PPP2R2B: variants seen among roughly 807,000 people sequenced by gnomAD.
The protein encoded by PPP2R2B is serine/threonine-protein phosphatase 2A 55 kDa regulatory subunit B beta isoform.
A neutral mutation model predicts 46.0 loss-of-function variants in PPP2R2B; 5 were observed. The observed-to-expected ratio is 0.11, with a 90% CI of 0.06 to 0.23. The LOEUF is 0.23. PPP2R2B is among the 10% of genes least tolerant of loss of function. The probability of loss-of-function intolerance (pLI) is 1.00; values close to 1 mark genes in which losing one functional copy is unlikely to be tolerated. For missense variants in PPP2R2B, 367 were observed against 575.0 expected (o/e 0.64, Z 3.70); for synonymous variants, 215 against 206.7 (o/e 1.04, Z -0.34).
chr5:146,822,709 T>C (rs1441743510), intron 2 of PPP2R2B, among the ~76,000 whole-genome samples: 1 of 152,120 alleles, frequency 6.6e-6, no homozygotes, highest in Admixed American at 6.5e-5. Flanking sequence ...AGATTATTAT[T>C]AGAAAAGAGA....
chr5:146,841,507 AT>A (rs1323545864), intron 2 of PPP2R2B, among the ~76,000 whole-genome samples: 2 of 152,178 alleles, frequency 1.3e-5, no homozygotes, highest in Non-Finnish European at 2.9e-5. Context: ...GCAAGACGTA[AT>A]CACAACCCAG....
chr5:147,042,919 T>A (rs1756379608), intron 1 of PPP2R2B, among the ~76,000 whole-genome samples: 1 of 152,018 alleles, frequency 6.6e-6, no homozygotes, highest in Admixed American at 6.6e-5. Context: ...GGAGAGGGGA[T>A]GTACGTGGTC....
At chr5:146,601,657 G>T (rs1415938667) in intron 7 of PPP2R2B, among the ~76,000 whole-genome samples, 3 of 152,216 alleles carry the variant, frequency 2.0e-5, no homozygotes, top group Non-Finnish European at 4.4e-5. Context: ...TGTGCCTTAG[G>T]TTTCCTTATA....
intron 2 of PPP2R2B, among the ~76,000 whole-genome samples, chr5:146,704,089 A>C (rs1234877106): frequency 1.3e-5 from 2 of 152,208 alleles, no homozygotes; most frequent in African/African-American, 4.8e-5. Context: ...TATCATTGCT[A>C]AGCCAGTAGG....
At chr5:146,632,933 C>T (rs762813339) in intron 7 of PPP2R2B, among the ~76,000 whole-genome samples, 5 of 152,052 alleles carry the variant, frequency 3.3e-5, no homozygotes, top group East Asian at 3.9e-4. Flanking sequence ...TTACGGGGCA[C>T]GTTGGAAAGG....
chr5:146,838,859 G>A (rs1046639542), intron 2 of PPP2R2B, among the ~76,000 whole-genome samples: 1 of 152,184 alleles, frequency 6.6e-6, no homozygotes, highest in African/African-American at 2.4e-5. Context: ...GCCTTCCCAA[G>A]GCAAAGGGTA....
chr5:146,833,247 T>A (rs568210645), intron 2 of PPP2R2B, among the ~76,000 whole-genome samples: 10 of 152,132 alleles, frequency 6.6e-5, no homozygotes, highest in Non-Finnish European at 1.5e-4. Flanking sequence ...TGTGTGAGGC[T>A]CTAAGTGAAC....
chr5:146,813,157 A>C (rs1582168405), intron 2 of PPP2R2B, among the ~76,000 whole-genome samples: 1 of 151,834 alleles, frequency 6.6e-6, no homozygotes, highest in East Asian at 1.9e-4. Context: ...ATATATGTAT[A>C]TATGCTATAT....
chr5:146,872,595 G>A (rs1235109053), intron 2 of PPP2R2B, among the ~76,000 whole-genome samples: 1 of 152,044 alleles, frequency 6.6e-6, no homozygotes, highest in Non-Finnish European at 1.5e-5. Context: ...GGGGGATGGA[G>A]GAGGAATCTT....
intron 1 of PPP2R2B, among the ~76,000 whole-genome samples, chr5:146,967,800 T>A (rs937725658): frequency 1.3e-5 from 2 of 152,106 alleles, no homozygotes; most frequent in African/African-American, 4.8e-5. Flanking sequence ...ACTCTTCAAT[T>A]AGTTTCCATC....
intron 2 of PPP2R2B, among the ~76,000 whole-genome samples, chr5:146,758,409 G>A (rs1753964662): frequency 6.6e-6 from 1 of 152,084 alleles, no homozygotes; most frequent in Admixed American, 6.6e-5. Flanking sequence ...TCAAAGGCTT[G>A]TTATGAGGAT....
intron 2 of PPP2R2B, among the ~76,000 whole-genome samples, chr5:146,778,172 G>A (rs1267732687): frequency 6.6e-6 from 1 of 152,268 alleles, no homozygotes; most frequent in East Asian, 1.9e-4. Flanking sequence ...TACTGTTTTT[G>A]TCTGGTGATG....
chr5:146,728,593 C>T (rs747317666), intron 2 of PPP2R2B, among the ~76,000 whole-genome samples: 183 of 152,198 alleles, frequency 1.2e-3, no homozygotes, highest in Non-Finnish European at 2.0e-3. Context: ...TTGGCTGTGT[C>T]CCCACTGAAA....
intron 2 of PPP2R2B, among the ~76,000 whole-genome samples, chr5:146,814,139 T>G (rs1757790165): frequency 6.8e-6 from 1 of 147,228 alleles, no homozygotes; most frequent in Non-Finnish European, 1.5e-5. Flanking sequence ...AGCATCAGAA[T>G]GGGGGTAAAA....
chr5:146,588,265 G>GCAT lies in PPP2R2B; in HGVS notation c.*1679_*1681dup, dbSNP rs1770269807. 6.6e-6 allele frequency: 1 copy of GCAT among 152,186 alleles called. No individual in the cohort carries two copies. Among genetic ancestry groups the GCAT allele is most frequent in the Non-Finnish European group, 1.5e-5 (1 of 68,040 alleles). 9.4% of individuals were successfully genotyped at this position (152,186 alleles called of 1,614,324 possible). A position where few individuals can be genotyped will look rare whatever the true frequency, so the allele number is the denominator to read the frequency against. On this transcript the variant is annotated 3_prime_UTR_variant, in exon 10 of 10. Coordinates refer to ENST00000394411, the MANE Select transcript of PPP2R2B (RefSeq NM_181675.4). ...ATTTTAATGTTCCTGAAATTGGGCTGCATCTAACAAGACTGTTTTTACCTA... is the reference window on the plus strand; with the variant it reads ...ATTTTAATGTTCCTGAAATTGGGCTGCATCATCTAACAAGACTGTTTTTACCTA...
intron 1 of PPP2R2B, among the ~76,000 whole-genome samples, chr5:146,917,654 T>C (rs1226789448): frequency 2.0e-5 from 3 of 152,222 alleles, no homozygotes; most frequent in Non-Finnish European, 4.4e-5. Context: ...TAAATAAATA[T>C]GTATCTTCTG....
intron 1 of PPP2R2B, among the ~76,000 whole-genome samples, chr5:146,982,415 A>T (rs1753219376): frequency 6.6e-6 from 1 of 152,178 alleles, no homozygotes; most frequent in Admixed American, 6.5e-5. Flanking sequence ...CACCCTCCAT[A>T]TGATTTTAAT....
intron 2 of PPP2R2B, among the ~76,000 whole-genome samples, chr5:146,738,136 A>C (rs543753333): frequency 6.6e-6 from 1 of 151,848 alleles, no homozygotes; most frequent in Non-Finnish European, 1.5e-5. Context: ...GTGGCTCACA[A>C]CTGTAATCCC....
At chr5:146,902,307 TCACCCACA>T (rs1356152413) in intron 1 of PPP2R2B, among the ~76,000 whole-genome samples, 3 of 152,094 alleles carry the variant, frequency 2.0e-5, no homozygotes, top group Admixed American at 6.6e-5. Flanking sequence ...TTTTATTTCC[TCACCCACA>T]CACCCACACA....
Sources: allele counts gnomAD v4.1 joint callset (sites outside exome capture counted in the v4.1 genomes callset), GRCh38; gene constraint gnomAD v4.1.1; transcripts MANE v1.5; gene names NCBI Gene and HGNC (gene_info 2026-07-23, HGNC 2026-07-21).